The following ASIC2 variants were observed in gnomAD, a reference collection of about 807,000 sequenced individuals.
ASIC2 encodes the protein acid-sensing ion channel 2.
ASIC2 carries 25 observed loss-of-function variants against 57.3 expected under a neutral mutation model. That is an observed-to-expected ratio of 0.44 (90% CI 0.32 to 0.61). The LOEUF (loss-of-function observed/expected upper bound fraction) is 0.61. Ranked by LOEUF, ASIC2 falls within the 20% of genes least tolerant of loss-of-function variation. The pLI is 0.06. For synonymous variants in ASIC2, 319 were observed against 307.5 expected (o/e 1.04, Z -0.39); for missense variants, 641 against 738.1 (o/e 0.87, Z 1.52).
intron 1 of ASIC2, among the ~76,000 whole-genome samples, chr17:33,736,345 G>T (rs1909910586): frequency 6.6e-6 from 1 of 151,936 alleles, no homozygotes; most frequent in African/African-American, 2.4e-5. Flanking sequence ...CCTACTCTAT[G>T]AATTTATGAA....
chr17:33,578,567 A>T (rs774640625), intron 1 of ASIC2, among the ~76,000 whole-genome samples: 9 of 152,186 alleles, frequency 5.9e-5, no homozygotes, highest in Non-Finnish European at 1.3e-4. Context: ...AAGTTCAAAC[A>T]AGTTTCCTTA....
rs965504040 is a variant in ASIC2 at position 33,956,219 on chromosome 17, T to G, written c.555+199759A>C. On this transcript the variant is annotated intron_variant, in intron 1 of 9. Coordinates refer to the ASIC2 transcript ENST00000359872. ...GGAGAGTCAATAGGAGCGGGAGCGC[T>G]GGGAAAGCGCTCTTGAAGAAGAGTT... is the stretch of plus-strand genomic sequence containing the variant. Among the ~76,000 whole-genome samples the G allele has an allele frequency of 2.0e-5, 3 of 152,338 alleles. No homozygotes were observed. In the South Asian group the frequency reaches 6.2e-4, roughly 32 times the overall value.
At chr17:33,347,937 A>G (rs1360455138) in intron 1 of ASIC2, among the ~76,000 whole-genome samples, 1 of 152,144 alleles carries the variant, frequency 6.6e-6, no homozygotes, top group African/African-American at 2.4e-5. Context: ...CCCTATCTGT[A>G]CTAAAAATAC....
chr17:33,598,254 G>A (rs996231340), intron 1 of ASIC2, among the ~76,000 whole-genome samples: 1 of 152,352 alleles, frequency 6.6e-6, no homozygotes, highest in East Asian at 1.9e-4. Flanking sequence ...GGTTGAATAT[G>A]TGGCTGCCTT....
At chr17:33,723,254 T>A (rs1161059499) in intron 1 of ASIC2, among the ~76,000 whole-genome samples, 1 of 152,218 alleles carries the variant, frequency 6.6e-6, no homozygotes, top group Non-Finnish European at 1.5e-5. Context: ...CTATATTGAA[T>A]GAAAGAATCC....
At chr17:33,576,825 G>A (rs1916638670) in intron 1 of ASIC2, among the ~76,000 whole-genome samples, 1 of 152,146 alleles carries the variant, frequency 6.6e-6, no homozygotes, top group Admixed American at 6.5e-5. Context: ...GGATCATACC[G>A]ATTCCACCAT....
At chr17:33,250,533 C>T (rs73281655) in intron 1 of ASIC2, among the ~76,000 whole-genome samples, 5,617 of 152,324 alleles carry the variant, frequency 0.037, 359 homozygotes, top group African/African-American at 0.13. Context: ...CCAGTCCTGC[C>T]GCGCTTATCC....
intron 1 of ASIC2, among the ~76,000 whole-genome samples, chr17:33,697,350 AG>A (rs1197604336): frequency 6.6e-6 from 1 of 152,210 alleles, no homozygotes; most frequent in Admixed American, 6.5e-5. Flanking sequence ...TAGGCTAAGG[AG>A]GAGGAGGAAG....
At chr17:33,617,473 G>GAAC (rs1477933651) in intron 1 of ASIC2, among the ~76,000 whole-genome samples, 1 of 151,998 alleles carries the variant, frequency 6.6e-6, no homozygotes, top group African/African-American at 2.4e-5. Context: ...ACAAAGAAAG[G>GAAC]AACAACAAAC....
intron 2 of ASIC2, among the ~76,000 whole-genome samples, chr17:33,111,695 A>C (rs1217644197): frequency 2.0e-5 from 3 of 151,766 alleles, no homozygotes; most frequent in Non-Finnish European, 4.4e-5. Flanking sequence ...TTACCTCTCC[A>C]GTATTCCCAT....
chr17:33,058,483 A>AC (rs1567729607), intron 3 of ASIC2, among the ~76,000 whole-genome samples: 1 of 151,580 alleles, frequency 6.6e-6, no homozygotes, highest in African/African-American at 2.4e-5. Context: ...AAAAAAAAAA[A>AC]AAAAAAAACA....
chr17:33,571,188 C>T (rs970118603), intron 1 of ASIC2, among the ~76,000 whole-genome samples: 2 of 152,146 alleles, frequency 1.3e-5, no homozygotes, highest in Non-Finnish European at 2.9e-5. Context: ...ACCTCAGGAG[C>T]CCTCTTTTTA....
chr17:33,209,377 T>C (rs73279785), intron 1 of ASIC2, among the ~76,000 whole-genome samples: 5,136 of 152,238 alleles, frequency 0.034, 265 homozygotes, highest in African/African-American at 0.12. Flanking sequence ...AAAAAACCCA[T>C]GTTGCATAAA....
At chr17:33,691,842 T>A (rs942340806) in intron 1 of ASIC2, among the ~76,000 whole-genome samples, 3 of 152,200 alleles carry the variant, frequency 2.0e-5, no homozygotes, top group Admixed American at 2.0e-4. Flanking sequence ...TGTGTGTCTG[T>A]GTATACATCT....
intron 1 of ASIC2, among the ~76,000 whole-genome samples, chr17:33,768,307 A>G (rs949746163): frequency 6.6e-6 from 1 of 152,150 alleles, no homozygotes; most frequent in Non-Finnish European, 1.5e-5. Flanking sequence ...AGCCCAGCCC[A>G]TATACATTTT....
intron 1 of ASIC2, among the ~76,000 whole-genome samples, chr17:33,549,188 G>T (rs1472063242): frequency 6.6e-6 from 1 of 152,130 alleles, no homozygotes; most frequent in Middle Eastern, 3.2e-3. Flanking sequence ...AATAAAAATG[G>T]CAGTGGAGCA....
intron 1 of ASIC2, among the ~76,000 whole-genome samples, chr17:33,655,482 A>G (rs1364027692): frequency 6.6e-6 from 1 of 152,208 alleles, no homozygotes; most frequent in Admixed American, 6.5e-5. Flanking sequence ...AATCTGTGCC[A>G]ATTTCCTACC....
chr17:34,039,431 T>C (rs961088911), intron 1 of ASIC2: 2 of 1,613,598 alleles, frequency 1.2e-6, no homozygotes, highest in African/African-American at 1.3e-5. Context: ...GACATGAGGG[T>C]TGGCAGAGCA....
intron 6 of ASIC2, among the ~76,000 whole-genome samples, chr17:33,023,126 G>A (rs935926264): frequency 5.9e-5 from 9 of 152,080 alleles, no homozygotes; most frequent in African/African-American, 2.2e-4. Context: ...TGGAGGCTGG[G>A]AGGAAAAGAA....
Sources: allele counts gnomAD v4.1 joint callset (sites outside exome capture counted in the v4.1 genomes callset), GRCh38; gene constraint gnomAD v4.1.1; transcripts MANE v1.5; gene names NCBI Gene and HGNC (gene_info 2026-07-23, HGNC 2026-07-21).